Variants in SDK1 observed in about 807,000 individuals in gnomAD.
The protein encoded by SDK1 is protein sidekick-1.
A neutral mutation model predicts 245.5 loss-of-function variants in SDK1; 157 were observed. The ratio of observed to expected loss-of-function variants is 0.64; its 90% CI spans 0.56 to 0.73. The LOEUF is 0.73. Among genes scored for constraint, SDK1 ranks in the 30% least tolerant of loss-of-function variants. The pLI is 0.00. For synonymous variants in SDK1, 1,647 were observed against 1,278.5 expected (o/e 1.29, Z -6.15); for missense variants, 3,583 against 3,002.3 (o/e 1.19, Z -4.52).
chr7:3,742,745 G>A (rs1040045977), intron 4 of SDK1, among the ~76,000 whole-genome samples: 3 of 152,108 alleles, frequency 2.0e-5, no homozygotes, highest in Admixed American at 6.6e-5. Context: ...CCTGTTGTCA[G>A]TTTATTTCAC....
At chr7:4,139,181 C>T (rs1487990098) in intron 28 of SDK1, among the ~76,000 whole-genome samples, 3 of 69,136 alleles carry the variant, frequency 4.3e-5, no homozygotes, top group African/African-American at 1.3e-4. Flanking sequence ...CACTTCTCTA[C>T]CCACCCCCCA....
chr7:3,394,804 T>A (rs1241735559), intron 1 of SDK1, among the ~76,000 whole-genome samples: 1 of 152,114 alleles, frequency 6.6e-6, no homozygotes, highest in Non-Finnish European at 1.5e-5. Context: ...CCAGATTGTT[T>A]ATTGCTTATA....
At chr7:3,539,567 G>C (rs956302447) in intron 1 of SDK1, among the ~76,000 whole-genome samples, 1 of 152,120 alleles carries the variant, frequency 6.6e-6, no homozygotes, top group African/African-American at 2.4e-5. Context: ...GAGATGGATG[G>C]ACTTGCCTGG....
chr7:3,387,742 C>G (rs181826868), intron 1 of SDK1, among the ~76,000 whole-genome samples: 3 of 152,102 alleles, frequency 2.0e-5, no homozygotes, highest in Admixed American at 2.0e-4. Flanking sequence ...CTGTCTATTA[C>G]CACAATAAAA....
intron 22 of SDK1, among the ~76,000 whole-genome samples, chr7:4,091,384 C>G (rs1328878663): frequency 7.0e-6 from 1 of 143,546 alleles, no homozygotes; most frequent in Non-Finnish European, 1.5e-5. Context: ...ACTCTGTCAC[C>G]CAGGCTGGAG....
chr7:4,008,882 C>G (rs909896714), intron 14 of SDK1, among the ~76,000 whole-genome samples: 8 of 152,160 alleles, frequency 5.3e-5, no homozygotes, highest in African/African-American at 1.7e-4. Flanking sequence ...TCTCTTCGAA[C>G]CCCTCCTTTC....
intron 1 of SDK1, among the ~76,000 whole-genome samples, chr7:3,570,161 T>G (rs1562570030): frequency 6.6e-6 from 1 of 152,186 alleles, no homozygotes; most frequent in Non-Finnish European, 1.5e-5. Flanking sequence ...TAAGTATCCC[T>G]TGACTCAACC....
In SDK1 at chr7:4,161,868, G is replaced by T. The variant is rs750532426; in HGVS notation, c.4800+12G>T. The T allele has an allele frequency of 2.5e-6, 4 of 1,611,086 alleles. No homozygotes were observed. In the South Asian group the frequency reaches 4.4e-5, roughly 18 times the overall value. On this transcript the variant is annotated intron_variant, in intron 32 of 44. Coordinates refer to ENST00000404826, the MANE Select transcript of SDK1 (RefSeq NM_152744.4). ...TGATACAGTGGCAGGTAAGAGCGCG[G>T]GGAATCACGCGCGTTTTGTCAAATG...
chr7:3,665,922 A>G (rs1233681563), intron 4 of SDK1, among the ~76,000 whole-genome samples: 3 of 151,118 alleles, frequency 2.0e-5, no homozygotes, highest in African/African-American at 7.3e-5. Context: ...GGGCAGGGAA[A>G]CTCAGAACAC....
At chr7:4,183,835 C>G (rs147771095) in intron 35 of SDK1, among the ~76,000 whole-genome samples, 1 of 152,242 alleles carries the variant, frequency 6.6e-6, no homozygotes, top group Admixed American at 6.5e-5. Context: ...TTCCTAGACA[C>G]GGCCCCTGCA....
rs541383556 is a variant in SDK1, at chr7:3,572,316, T to G, written c.299-46764T>G. On this transcript the variant is annotated intron_variant, in intron 1 of 44. Transcript: ENST00000404826. ...GTAAGGTGTTTTTGATTGATGGCAG[T>G]TCTAGGCAAAAACGCCTCAGTGAAG... Among the ~76,000 whole-genome samples the G allele has an allele frequency of 3.9e-5, 6 of 152,158 alleles. 1 individual carries two copies. The highest frequency in any genetic ancestry group is 2.6e-4 in the Admixed American group (4 of 15,292).
chr7:3,755,530 A>G (rs535129688), intron 4 of SDK1, among the ~76,000 whole-genome samples: 69 of 152,306 alleles, frequency 4.5e-4, no homozygotes, highest in African/African-American at 1.6e-3. Context: ...ATATTTGGAC[A>G]GAATACTTAA....
At chr7:3,563,444 G>A (rs1340345946) in intron 1 of SDK1, among the ~76,000 whole-genome samples, 2 of 152,098 alleles carry the variant, frequency 1.3e-5, no homozygotes, top group Non-Finnish European at 2.9e-5. Flanking sequence ...GAAAGCAGTG[G>A]TAACTTAAAT....
intron 1 of SDK1, among the ~76,000 whole-genome samples, chr7:3,580,805 A>G (rs1182491657): frequency 1.3e-5 from 2 of 151,896 alleles, no homozygotes; most frequent in Non-Finnish European, 2.9e-5. Context: ...CATTTCCACT[A>G]AAAATACAAA....
chr7:3,882,171 A>G (rs1466393022), intron 5 of SDK1, among the ~76,000 whole-genome samples: 1 of 151,972 alleles, frequency 6.6e-6, no homozygotes, highest in Non-Finnish European at 1.5e-5. Flanking sequence ...AGTATGGGGG[A>G]AACTGCTCCA....
intron 1 of SDK1, among the ~76,000 whole-genome samples, chr7:3,579,335 G>T (rs915497124): frequency 6.6e-6 from 1 of 152,180 alleles, no homozygotes; most frequent in Non-Finnish European, 1.5e-5. Flanking sequence ...CCATGATCAG[G>T]TAGGCGTTAT....
At chr7:3,583,356 G>T (rs1476500253) in intron 1 of SDK1, among the ~76,000 whole-genome samples, 1 of 152,144 alleles carries the variant, frequency 6.6e-6, no homozygotes, top group Non-Finnish European at 1.5e-5. Flanking sequence ...GTGCCAAATT[G>T]CTCTTAAAGG....
intron 5 of SDK1, among the ~76,000 whole-genome samples, chr7:3,945,004 C>G (rs1024106255): frequency 1.3e-5 from 2 of 152,142 alleles, no homozygotes; most frequent in African/African-American, 4.8e-5. Context: ...ATCCCAGCTA[C>G]TCAGGAGGCT....
intron 1 of SDK1, among the ~76,000 whole-genome samples, chr7:3,373,738 AAAAC>A (rs1307486973): frequency 6.6e-6 from 1 of 152,204 alleles, no homozygotes; most frequent in Non-Finnish European, 1.5e-5. Context: ...TATGATTAGA[AAAAC>A]AAAGGTCAAC....
Sources: allele counts gnomAD v4.1 joint callset (sites outside exome capture counted in the v4.1 genomes callset), GRCh38; gene constraint gnomAD v4.1.1; transcripts MANE v1.5; gene names NCBI Gene and HGNC (gene_info 2026-07-23, HGNC 2026-07-21).